RBFOX1: variants seen among roughly 807,000 people sequenced by gnomAD.
RBFOX1 encodes RNA binding protein fox-1 homolog 1.
RBFOX1 carries 8 observed loss-of-function variants against 57.7 expected under a neutral mutation model. The observed-to-expected ratio is 0.14, with a 90% CI of 0.08 to 0.25. RBFOX1 has a LOEUF of 0.25. Among genes scored for constraint, RBFOX1 ranks in the 10% least tolerant of loss-of-function variants. The pLI is 1.00. For missense variants in RBFOX1, 611 were observed against 548.5 expected, an observed-to-expected ratio of 1.11 and a Z score of -1.14; for synonymous variants, 326 against 222.4, an observed-to-expected ratio of 1.47 and a Z score of -4.15.
chr16:6,996,553 T>C (rs992801819), intron 3 of RBFOX1, among the ~76,000 whole-genome samples: 1 of 152,210 alleles, frequency 6.6e-6, no homozygotes, highest in African/African-American at 2.4e-5. Context: ...TGTAAGTGCT[T>C]TCCAAATATT....
intron 3 of RBFOX1, among the ~76,000 whole-genome samples, chr16:6,896,842 GT>G (rs1228063707): frequency 6.6e-6 from 1 of 152,170 alleles, no homozygotes; most frequent in Non-Finnish European, 1.5e-5. Flanking sequence ...AAGATTGCAG[GT>G]AATATAAAAA....
intron 2 of RBFOX1, among the ~76,000 whole-genome samples, chr16:6,331,108 T>C (rs953356722): frequency 2.6e-5 from 4 of 152,172 alleles, no homozygotes; most frequent in East Asian, 1.9e-4. Flanking sequence ...GGCTACTGTG[T>C]TGAAGAAGGC....
chr16:7,483,066 C>A (rs1046522518), intron 4 of RBFOX1, among the ~76,000 whole-genome samples: 2 of 152,260 alleles, frequency 1.3e-5, no homozygotes, highest in South Asian at 4.1e-4. Context: ...AAGCCACCCT[C>A]GTCACTAAAA....
At chr16:6,725,140 TC>T (rs1364284655) in intron 3 of RBFOX1, among the ~76,000 whole-genome samples, 1 of 144,558 alleles carries the variant, frequency 6.9e-6, no homozygotes, top group Non-Finnish European at 1.5e-5. Flanking sequence ...AAGCTCTGCG[TC>T]CCGGGTTCAC....
rs34148194 is a variant in RBFOX1, at chr16:5,898,971, G to T, written c.351+31636G>T. 6.3e-3 allele frequency among the ~76,000 whole-genome samples: 957 copies of T among 151,492 alleles called. 28 individuals are homozygous for T. In the East Asian group the frequency reaches 0.1, roughly 16 times the overall value. ...CCAGCTACGTGGGAGGTTGAGGTGA[G>T]AGGATCACTTGAGCCCAGGAGACTA... On this transcript the variant is annotated intron_variant, in intron 4 of 19. Coordinates refer to the RBFOX1 transcript ENST00000641259.
At chr16:6,343,489 CTCT>C (rs1378372140) in intron 2 of RBFOX1, among the ~76,000 whole-genome samples, 3 of 152,164 alleles carry the variant, frequency 2.0e-5, no homozygotes, top group Non-Finnish European at 2.9e-5. Flanking sequence ...ATAACTCAGC[CTCT>C]TCTTATCCCT....
chr16:5,280,266 T>G (rs1434318734), intron 1 of RBFOX1, among the ~76,000 whole-genome samples: 1 of 152,274 alleles, frequency 6.6e-6, no homozygotes, highest in Non-Finnish European at 1.5e-5. Context: ...GAGCCATGTT[T>G]GCATTCCTGG....
chr16:6,511,032 T>C (rs2096245931), intron 2 of RBFOX1, among the ~76,000 whole-genome samples: 1 of 152,112 alleles, frequency 6.6e-6, no homozygotes, highest in Non-Finnish European at 1.5e-5. Context: ...GAGGGGTGTA[T>C]GTTTAAAAGC....
chr16:6,378,613 C>T (rs2091465939), intron 2 of RBFOX1, among the ~76,000 whole-genome samples: 1 of 152,166 alleles, frequency 6.6e-6, no homozygotes, highest in African/African-American at 2.4e-5. Context: ...AGGGCCTTTG[C>T]AATGTCCACT....
chr16:5,820,602 C>A (rs908292069), intron 3 of RBFOX1, among the ~76,000 whole-genome samples: 2 of 152,154 alleles, frequency 1.3e-5, no homozygotes, highest in African/African-American at 4.8e-5. Context: ...TGTCAGAGGG[C>A]ACCTGAAAAT....
chr16:7,484,319 A>G (rs2064813325), intron 4 of RBFOX1, among the ~76,000 whole-genome samples: 1 of 152,190 alleles, frequency 6.6e-6, no homozygotes, highest in African/African-American at 2.4e-5. Flanking sequence ...ATGTGGACAC[A>G]TGTCTTCATT....
intron 4 of RBFOX1, among the ~76,000 whole-genome samples, chr16:5,869,991 C>A (rs141193160): frequency 6.6e-6 from 1 of 151,674 alleles, no homozygotes; most frequent in Non-Finnish European, 1.5e-5. Context: ...ATACAGCAAT[C>A]AAAAAATATT....
In RBFOX1 at chr16:6,011,030, T is replaced by C. The variant is rs535232293; in HGVS notation, c.351+143695T>C. Among the ~76,000 whole-genome samples, 4 of 152,368 alleles carry C rather than the reference T, an allele frequency of 2.6e-5. No individual in the cohort carries two copies. The South Asian group carries it at 8.3e-4, about 32-fold the overall frequency. On this transcript the variant is annotated intron_variant, in intron 4 of 19. Coordinates refer to the RBFOX1 transcript ENST00000641259. ...AAATGCATACTCTTCTTTGTAAGGT[T>C]GCATATTTCATCCTAAATGGCTTAA...
At chr16:7,663,427 T>C (rs1301990317) in intron 12 of RBFOX1, among the ~76,000 whole-genome samples, 2 of 152,098 alleles carry the variant, frequency 1.3e-5, no homozygotes, top group South Asian at 2.1e-4. Flanking sequence ...GTCAATCAAC[T>C]CTGAAATACT....
chr16:6,571,866 A>G (rs2097349491), intron 2 of RBFOX1, among the ~76,000 whole-genome samples: 1 of 152,130 alleles, frequency 6.6e-6, no homozygotes, highest in Non-Finnish European at 1.5e-5. Flanking sequence ...TGAGGATGAT[A>G]TTTCTTTTCT....
intron 2 of RBFOX1, among the ~76,000 whole-genome samples, chr16:6,611,427 G>A (rs982033799): frequency 1.8e-4 from 28 of 152,190 alleles, no homozygotes; most frequent in Non-Finnish European, 3.5e-4. Context: ...GATGTCAGGC[G>A]TGAGCCACTG....
chr16:5,820,560 C>T (rs992180570), intron 3 of RBFOX1, among the ~76,000 whole-genome samples: 2 of 152,278 alleles, frequency 1.3e-5, no homozygotes, highest in South Asian at 4.2e-4. Flanking sequence ...TAATTTCTTC[C>T]CCCACCTGCT....
chr16:5,600,436 T>C (rs2047328862), downstream of RBFOX1, among the ~76,000 whole-genome samples: 1 of 145,316 alleles, frequency 6.9e-6, no homozygotes, highest in Non-Finnish European at 1.5e-5. Flanking sequence ...CAGTGAGCTA[T>C]GATTATGCCA....
At chr16:6,090,179 T>A (rs1327518704) in intron 1 of RBFOX1, 1 of 152,204 alleles carries the variant, frequency 6.6e-6, no homozygotes, top group Non-Finnish European at 1.5e-5. Flanking sequence ...TCCATTCTTC[T>A]GCCTCCCTCT....
Sources: allele counts gnomAD v4.1 joint callset (sites outside exome capture counted in the v4.1 genomes callset), GRCh38; gene constraint gnomAD v4.1.1; transcripts MANE v1.5; gene names NCBI Gene and HGNC (gene_info 2026-07-23, HGNC 2026-07-21).